WDPCP: variants seen among roughly 807,000 people sequenced by gnomAD.
The protein encoded by WDPCP is WD repeat-containing and planar cell polarity effector protein fritz homolog.
A neutral mutation model predicts 93.1 loss-of-function variants in WDPCP; 71 were observed. The observed-to-expected ratio is 0.76, with a 90% CI of 0.63 to 0.93. WDPCP has a LOEUF of 0.93. Ranked by LOEUF, WDPCP falls within the 40% of genes least tolerant of loss-of-function variation. The pLI is 0.00. For synonymous variants in WDPCP, 315 were observed against 315.0 expected, an observed-to-expected ratio of 1.00 and a Z score of 0.00; for missense variants, 844 against 887.4, an observed-to-expected ratio of 0.95 and a Z score of 0.62.
At chr2:63,286,513 C>A (rs1350341113) in intron 13 of WDPCP, among the ~76,000 whole-genome samples, 4 of 152,154 alleles carry the variant, frequency 2.6e-5, no homozygotes, top group Non-Finnish European at 5.9e-5. Context: ...CTAACTCCAC[C>A]GCCTATCCCA....
At chr2:63,683,295 AG>A (rs1487597179) in intron 2 of WDPCP, among the ~76,000 whole-genome samples, 1 of 152,192 alleles carries the variant, frequency 6.6e-6, no homozygotes, top group African/African-American at 2.4e-5. Context: ...AAAAAGACAT[AG>A]GGTGGCTGAA....
intron 6 of WDPCP, among the ~76,000 whole-genome samples, chr2:63,453,473 G>C (rs1472432542): frequency 6.6e-6 from 1 of 152,132 alleles, no homozygotes; most frequent in African/African-American, 2.4e-5. Flanking sequence ...TGGAGAAATA[G>C]GAACACTTTT....
At chr2:63,704,766 T>A (rs1437200572) in intron 2 of WDPCP, among the ~76,000 whole-genome samples, 1 of 152,172 alleles carries the variant, frequency 6.6e-6, no homozygotes, top group African/African-American at 2.4e-5. Context: ...GCTCTTTTTT[T>A]GTTGTGTTTC....
intron 14 of WDPCP, among the ~76,000 whole-genome samples, chr2:63,211,825 C>G (rs770822267): frequency 6.6e-6 from 1 of 152,054 alleles, no homozygotes; most frequent in Non-Finnish European, 1.5e-5. Flanking sequence ...GATGCGTGCA[C>G]AAGCTTCAGT....
chr2:63,692,811 T>G (rs1233356515), intron 2 of WDPCP, among the ~76,000 whole-genome samples: 1 of 152,242 alleles, frequency 6.6e-6, no homozygotes, highest in African/African-American at 2.4e-5. Flanking sequence ...TTATGTATTA[T>G]GTACTATCTT....
At position 63,751,906 on chromosome 2, in the gene WDPCP, C is replaced by G. The variant is rs1669888822; in HGVS notation, n.308+61716G>C. On this transcript the variant is annotated intron_variant and non_coding_transcript_variant, in intron 2 of 4. Transcript: ENST00000467687. ...TTCAAAATTGCTTCCATCACCAAAT[C>G]CATTATAGCCATCCCCACTGCCACC... 1.0e-5 allele frequency: 7 copies of G among 686,130 alleles called. No homozygotes were observed. The Admixed American group carries it at 1.3e-4, about 12-fold the overall frequency. The allele number at this position is 686,130 out of a possible 1,614,324, so 42.5% of individuals were successfully genotyped here.
chr2:63,378,536 A>G (rs750954892), intron 11 of WDPCP, 27 bp from the exon 12 acceptor site: 2 of 1,612,636 alleles, frequency 1.2e-6, no homozygotes, highest in Admixed American at 3.3e-5. Flanking sequence ...TAGCAGCACT[A>G]AAACAAGTGA....
chr2:63,146,780 A>G (rs1025120630), intron 17 of WDPCP, among the ~76,000 whole-genome samples: 6 of 152,220 alleles, frequency 3.9e-5, no homozygotes, highest in African/African-American at 1.2e-4. Context: ...AAGATGTTTC[A>G]ATGCAATAAA....
intron 14 of WDPCP, among the ~76,000 whole-genome samples, chr2:63,239,660 C>T (rs895277292): frequency 3.9e-5 from 6 of 151,900 alleles, no homozygotes; most frequent in African/African-American, 1.2e-4. Context: ...CTCTAAAGTT[C>T]GATAATTTTA....
chr2:63,638,329 A>G (rs112550189), intron 3 of WDPCP, among the ~76,000 whole-genome samples: 15 of 149,648 alleles, frequency 1.0e-4, no homozygotes, highest in Non-Finnish European at 2.2e-4. Context: ...TCTCTCTCAC[A>G]TACACACACA....
intron 2 of WDPCP, among the ~76,000 whole-genome samples, chr2:63,736,028 G>T (rs1218345035): frequency 6.6e-6 from 1 of 152,162 alleles, no homozygotes; most frequent in East Asian, 1.9e-4. Flanking sequence ...AGAGGTTAAG[G>T]ATTGCAGAAT....
At chr2:63,288,567 T>G (rs1392026322) in intron 13 of WDPCP, among the ~76,000 whole-genome samples, 1 of 152,198 alleles carries the variant, frequency 6.6e-6, no homozygotes, top group Non-Finnish European at 1.5e-5. Flanking sequence ...AGTACAAAGA[T>G]CACTTTTTTT....
At chr2:63,640,725 G>A (rs568558982) in intron 3 of WDPCP, among the ~76,000 whole-genome samples, 85 of 152,250 alleles carry the variant, frequency 5.6e-4, no homozygotes, top group African/African-American at 1.8e-3. Context: ...AGGAATATGA[G>A]ATGTTTTGAT....
intron 17 of WDPCP, among the ~76,000 whole-genome samples, chr2:63,147,598 T>C (rs1318098030): frequency 6.6e-6 from 1 of 152,182 alleles, no homozygotes; most frequent in African/African-American, 2.4e-5. Context: ...TTAAAAACAT[T>C]CACGATAGAA....
intron 14 of WDPCP, among the ~76,000 whole-genome samples, chr2:63,235,439 A>G (rs1287198185): frequency 6.6e-6 from 1 of 152,172 alleles, no homozygotes; most frequent in African/African-American, 2.4e-5. Context: ...ACTTGTACCA[A>G]TCCTACTGAA....
intron 12 of WDPCP, among the ~76,000 whole-genome samples, chr2:63,357,651 G>C (rs1032686739): frequency 6.6e-6 from 1 of 152,156 alleles, no homozygotes; most frequent in African/African-American, 2.4e-5. Context: ...CTTATACACT[G>C]GGGGCAGGAG....
chr2:63,554,102 C>G (rs910927149), intron 1 of WDPCP, among the ~76,000 whole-genome samples: 11 of 152,210 alleles, frequency 7.2e-5, no homozygotes, highest in African/African-American at 2.4e-4. Context: ...CAGGATCATG[C>G]TTTGCATTTC....
At chr2:63,286,269 T>C (rs1370165362) in intron 13 of WDPCP, among the ~76,000 whole-genome samples, 1 of 152,210 alleles carries the variant, frequency 6.6e-6, no homozygotes, top group Non-Finnish European at 1.5e-5. Context: ...TACATCCAGA[T>C]GGCCTGAAGC....
chr2:63,650,146 T>A (rs534775842), intron 3 of WDPCP, among the ~76,000 whole-genome samples: 1 of 152,212 alleles, frequency 6.6e-6, no homozygotes, highest in Non-Finnish European at 1.5e-5. Flanking sequence ...TTGCTCAAGA[T>A]GGAATGACAT....
Sources: gnomAD v4.1 joint callset for allele counts (sites outside exome capture counted in the v4.1 genomes callset) on GRCh38, gnomAD v4.1.1 for gene constraint, MANE v1.5 for transcripts, NCBI Gene and HGNC (gene_info 2026-07-23, HGNC 2026-07-21) for gene names.